The following DCBLD1 variants were observed in gnomAD, a reference collection of about 807,000 sequenced individuals.
The protein encoded by DCBLD1 is discoidin, CUB and LCCL domain containing 1, also known as discoidin, CUB and LCCL domain-containing protein 1.
In DCBLD1, 57 loss-of-function variants were observed where a neutral mutation model predicts 71.5. The ratio of observed to expected loss-of-function variants is 0.80; its 90% CI spans 0.64 to 0.99. The LOEUF (loss-of-function observed/expected upper bound fraction) is 0.99. DCBLD1 is among the 50% of genes least tolerant of loss of function. The probability of loss-of-function intolerance (pLI) is 0.00; values close to 1 mark genes in which losing one functional copy is unlikely to be tolerated. For synonymous variants in DCBLD1, 380 were observed against 363.8 expected (o/e 1.04, Z -0.51); for missense variants, 891 against 923.5 (o/e 0.96, Z 0.46).
At chr6:117,542,712 TG>T (rs2114559555) in intron 11 of DCBLD1, among the ~76,000 whole-genome samples, 2 of 151,906 alleles carry the variant, frequency 1.3e-5, no homozygotes, top group Admixed American at 1.3e-4. Context: ...GCCTGCCATC[TG>T]GGGAAATGTG....
intron 11 of DCBLD1, among the ~76,000 whole-genome samples, 181 bp from the exon 12 acceptor site, chr6:117,542,943 T>C (rs537762435): frequency 5.3e-5 from 8 of 152,314 alleles, no homozygotes; most frequent in Middle Eastern, 3.4e-3. Flanking sequence ...TTTCCCAAAC[T>C]TTAGCCAGGA....
At position 117,519,883 on chromosome 6, in the gene DCBLD1, C is replaced by T. The variant is rs1356290549; in HGVS notation, c.393C>T (p.Arg131=). 1 of 1,614,166 alleles carries T rather than the reference C, an allele frequency of 6.2e-7. No homozygotes were observed. Among genetic ancestry groups the T allele is most frequent in the Admixed American group, 1.7e-5 (1 of 60,020 alleles). ...TGAACACAAGTGAAGTAACCGTCCGCTTTGAGAGTGGATCCCACATTTCTG... is the reference window on the plus strand; with the variant it reads ...TGAACACAAGTGAAGTAACCGTCCGTTTTGAGAGTGGATCCCACATTTCTG... ...LLLNTSEVTV[R]FESGSHISGR... Residue 131 remains arginine, a synonymous_variant, in exon 3 of 15, where the codon CGC becomes CGT. Transcript: ENST00000338728.
rs1368028539 is a variant in DCBLD1, at chr6:117,548,116, G to C, written c.1825G>C (p.Val609Leu). 6.5e-7 allele frequency: 1 copy of C among 1,549,748 alleles called. No individual in the cohort carries two copies. The highest frequency in any genetic ancestry group is 8.7e-7 in the Non-Finnish European group (1 of 1,146,580). The change falls in exon 15 of 15, where the codon GTG becomes CTG. Residue 609 changes from valine to leucine, a missense_variant. Transcript: ENST00000338728. ...EYATPIVERH[V>L]LRAHTFSAQS... ...CGCCACGCCCATCGTGGAGCGGCAC[G>C]TGCTGCGCGCCCACACGTTCTCTGC...
chr6:117,485,164 C>G (rs1777043733), intron 1 of DCBLD1: 1 of 152,046 alleles, frequency 6.6e-6, no homozygotes, highest in Non-Finnish European at 1.5e-5. Flanking sequence ...AATTTATTAC[C>G]TTGATATACA....
chr6:117,499,950 G>A (rs1582973882), intron 1 of DCBLD1, among the ~76,000 whole-genome samples: 1 of 152,160 alleles, frequency 6.6e-6, no homozygotes, highest in Non-Finnish European at 1.5e-5. Flanking sequence ...CCTGGGAGGC[G>A]GAGGTTGCGG....
chr6:117,568,309 C>A (rs1236068349), intron 14 of DCBLD1, among the ~76,000 whole-genome samples: 1 of 152,194 alleles, frequency 6.6e-6, no homozygotes, highest in Non-Finnish European at 1.5e-5. Context: ...GTGGTGTTGG[C>A]AATTCTGAAA....
Position 117,548,214 on chromosome 6 carries a change from C to G in DCBLD1, c.1923C>G (p.Pro641=), listed in dbSNP as rs970444768. 3 of 1,550,578 alleles carry G rather than the reference C, an allele frequency of 1.9e-6. No homozygotes were observed. The Admixed American group carries it at 5.9e-5, about 30-fold the overall frequency. The change falls in exon 15 of 15, where the codon CCC becomes CCG. Residue 641 remains proline (P), a synonymous_variant. Coordinates refer to ENST00000338728, the MANE Select transcript of DCBLD1 (RefSeq NM_001366458.2). The part of the protein sequence containing the change: ...KHSLSSGGFS[P]VAGVGAQDGD... ...CCCTCTCCTCGGGCGGCTTCTCCCC[C>G]GTAGCGGGTGTGGGCGCCCAGGACG...
At chr6:117,554,240 T>TGCCC (rs1169395856), downstream of DCBLD1, among the ~76,000 whole-genome samples, 1 of 152,250 alleles carries the variant, frequency 6.6e-6, no homozygotes, top group Non-Finnish European at 1.5e-5. Context: ...TATGTGTACA[T>TGCCC]TTAATTCTAT....
At chr6:117,514,155 G>T (rs771711411) in intron 2 of DCBLD1, among the ~76,000 whole-genome samples, 23 of 152,134 alleles carry the variant, frequency 1.5e-4, no homozygotes, top group Admixed American at 7.2e-4. Flanking sequence ...TCTAGTCTAT[G>T]AAAGGAATTT....
At chr6:117,501,353 TGAGACG>T (rs1777653431) in intron 1 of DCBLD1, among the ~76,000 whole-genome samples, 1 of 152,042 alleles carries the variant, frequency 6.6e-6, no homozygotes, top group African/African-American at 2.4e-5. Flanking sequence ...TTGTTGTTGT[TGAGACG>T]GAATCTCACT....
chr6:117,547,594 C>T, intron 14 of DCBLD1: 1 of 636,888 alleles, frequency 1.6e-6, no homozygotes, highest in South Asian at 1.5e-5. Context: ...TGACTTCCAC[C>T]TCCATAGCTT....
chr6:117,561,266 T>C (rs984237097), intron 14 of DCBLD1: 4 of 223,604 alleles, frequency 1.8e-5, no homozygotes, highest in Non-Finnish European at 3.6e-5. Flanking sequence ...CTTGAAGTTT[T>C]AAAAAACCAC....
intron 2 of DCBLD1, 61 bp from the exon 3 acceptor site, chr6:117,519,755 A>G (rs1429628157): frequency 6.3e-7 from 1 of 1,578,852 alleles, no homozygotes; most frequent in Non-Finnish European, 8.7e-7. Flanking sequence ...AAAATGCCAT[A>G]TACCAGTCAT....
rs893513324 is a variant in DCBLD1 at position 117,482,867 on chromosome 6, C to A, written c.86C>A (p.Pro29Gln). The A allele has an allele frequency of 1.2e-4, 147 of 1,191,506 alleles. 1 individual carries two copies. The highest frequency in any genetic ancestry group is 1.4e-4 in the Non-Finnish European group (130 of 961,466). The allele number at this position is 1,191,506 out of a possible 1,614,324, so 73.8% of individuals were successfully genotyped here. A position where few individuals can be genotyped will look rare whatever the true frequency, so the allele number is the denominator to read the frequency against. Residue 29 changes from proline (P) to glutamine (Q), a missense_variant, in exon 1 of 15, where the codon CCG (proline) becomes CAG (glutamine). Transcript: ENST00000338728. Reference protein sequence around the residue: ...LLALLLAVSAPLRLQAEELGD... With the variant: ...LLALLLAVSAQLRLQAEELGD... ...GCTTTGCTGCTCGCGGTCTCCGCCC[C>A]GCTCCGGCTGCAGGCGGAGGAGCTG... is the stretch of plus-strand genomic sequence containing the variant.
At chr6:117,495,715 T>G (rs577457568) in intron 1 of DCBLD1, among the ~76,000 whole-genome samples, 2 of 152,362 alleles carry the variant, frequency 1.3e-5, no homozygotes, top group East Asian at 3.9e-4. Flanking sequence ...AATAATCTTT[T>G]GCTTTTCAGC....
chr6:117,520,011 A>G, intron 3 of DCBLD1, 61 bp downstream of exon 3: 1 of 1,594,990 alleles, frequency 6.3e-7, no homozygotes, highest in Non-Finnish European at 8.6e-7. Context: ...TCCTCTTGCC[A>G]CTTATCCCCA....
Position 117,548,368 on chromosome 6 carries a change from A to G in DCBLD1, c.2077A>G (p.Ser693Gly). The change falls in exon 15 of 15, where the codon AGT becomes GGT. Residue 693 changes from serine (S) to glycine (G), a missense_variant. Coordinates refer to ENST00000338728, the MANE Select transcript of DCBLD1 (RefSeq NM_001366458.2). ...GAAGCCCCCAACGCATCCCGGGACG[A>G]GTGACAGCTATTCTGCCCCCAGAGA... Reference protein sequence around the residue: ...SQKPPTHPGTSDSYSAPRDCL... With the variant: ...SQKPPTHPGTGDSYSAPRDCL... 2 of 1,550,662 alleles carry G rather than the reference A, an allele frequency of 1.3e-6. No individual in the cohort carries two copies. The highest frequency in any genetic ancestry group is 1.7e-6 in the Non-Finnish European group (2 of 1,146,998).
chr6:117,543,250 A>G, intron 12 of DCBLD1, 39 bp downstream of exon 12: 3 of 1,594,380 alleles, frequency 1.9e-6, no homozygotes, highest in Non-Finnish European at 8.6e-7. Context: ...TTCTCTAATT[A>G]TGCGAACAAT....
chr6:117,531,334 C>A (rs1464664709), intron 5 of DCBLD1, among the ~76,000 whole-genome samples: 1 of 152,160 alleles, frequency 6.6e-6, no homozygotes. Context: ...TGTTTCTTAT[C>A]CCCTCACTCC....
Sources: gnomAD v4.1 joint callset for allele counts (sites outside exome capture counted in the v4.1 genomes callset) on GRCh38, gnomAD v4.1.1 for gene constraint, MANE v1.5 for transcripts, NCBI Gene and HGNC (gene_info 2026-07-23, HGNC 2026-07-21) for gene names.